The following ZNF362 variants were observed in gnomAD, a reference collection of about 807,000 sequenced individuals.
ZNF362 encodes the protein zinc finger protein 362.
Under a neutral mutation model 42.9 loss-of-function variants are expected in ZNF362, and 11 were observed. That is an observed-to-expected ratio of 0.26 (90% CI 0.16 to 0.42). ZNF362 has a LOEUF of 0.42. ZNF362 is among the 20% of genes least tolerant of loss of function. ZNF362 has a pLI of 1.00. For missense variants in ZNF362, 362 were observed against 576.2 expected (o/e 0.63, Z 3.81); for synonymous variants, 255 against 257.3 (o/e 0.99, Z 0.09).
At chr1:33,184,605 A>G in the ZNF362 span, among the ~76,000 whole-genome samples, 1 of 152,180 alleles carries the variant, frequency 6.6e-6, no homozygotes, top group Non-Finnish European at 1.5e-5. Flanking sequence ...TAATGCTTCA[A>G]AAGGGCTGAT....
the ZNF362 span, among the ~76,000 whole-genome samples, chr1:33,204,084 T>C: frequency 6.6e-6 from 1 of 152,186 alleles, no homozygotes; most frequent in Non-Finnish European, 1.5e-5. Flanking sequence ...TGTGTTTTCT[T>C]TTAGAAATTT....
chr1:33,174,940 T>C, the ZNF362 span, among the ~76,000 whole-genome samples: 1 of 19,832 alleles, frequency 5.0e-5, no homozygotes, highest in East Asian at 1.2e-3. Flanking sequence ...CATACATATA[T>C]GTGTGTATAT....
the ZNF362 span, among the ~76,000 whole-genome samples, chr1:33,220,299 G>A: frequency 6.6e-6 from 1 of 152,284 alleles, no homozygotes; most frequent in Admixed American, 6.5e-5. Context: ...AATAATGATA[G>A]CAATAACAGC....
the ZNF362 span, among the ~76,000 whole-genome samples, chr1:33,130,338 G>A: frequency 6.6e-6 from 1 of 152,142 alleles, no homozygotes; most frequent in Non-Finnish European, 1.5e-5. Context: ...TAGAAGTGAC[G>A]GGTTGTCATT....
At chr1:33,161,510 C>A in the ZNF362 span, among the ~76,000 whole-genome samples, 7 of 152,184 alleles carry the variant, frequency 4.6e-5, no homozygotes, top group African/African-American at 1.4e-4. This position sits in a 1 kb window ranked among gnomAD's most constrained non-coding sequence, Gnocchi z 4.3. Context: ...CCCCGACGCG[C>A]GGCTGCTGGC....
chr1:33,216,828 A>G, the ZNF362 span, among the ~76,000 whole-genome samples: 1 of 151,938 alleles, frequency 6.6e-6, no homozygotes, highest in Non-Finnish European at 1.5e-5. Context: ...CCCCCTGTGC[A>G]GGTGGCTGGA....
chr1:33,173,853 T>A, the ZNF362 span, among the ~76,000 whole-genome samples: 1 of 151,676 alleles, frequency 6.6e-6, no homozygotes, highest in Admixed American at 6.6e-5. Flanking sequence ...GCATGCATCA[T>A]GCCTGGATAA....
intron 8 of ZNF362, among the ~76,000 whole-genome samples, chr1:33,297,513 C>CTTTTTTTTTTTTT (rs55931056): frequency 3.3e-5 from 4 of 121,060 alleles, no homozygotes; most frequent in Non-Finnish European, 4.8e-5. Flanking sequence ...CATGATTCCT[C>CTTTTTTTTTTTTT]TTTTTTTTTT....
rs572775756 is a variant in ZNF362, at chr1:33,284,248, C to T, written c.908+2437C>T. Among the ~76,000 whole-genome samples, 23 of 152,310 alleles carry T rather than the reference C, an allele frequency of 1.5e-4. No homozygotes were observed. In the East Asian group the frequency reaches 2.5e-3, roughly 17 times the overall value. On this transcript the variant is annotated intron_variant, in intron 6 of 8. Coordinates refer to ENST00000539719, the MANE Select transcript of ZNF362 (RefSeq NM_152493.3). ...GGTCCAGTCCGGTTTCCTGGAGGCC[C>T]GGGGAGGCCTCATTCCCACTTTTGA...
chr1:33,219,977 TG>T, the ZNF362 span, among the ~76,000 whole-genome samples: 1 of 152,196 alleles, frequency 6.6e-6, no homozygotes, highest in African/African-American at 2.4e-5. Context: ...GAACAAGGCA[TG>T]GCCGAAGAGG....
At chr1:33,205,665 G>A in the ZNF362 span, among the ~76,000 whole-genome samples, 1 of 152,146 alleles carries the variant, frequency 6.6e-6, no homozygotes, top group Non-Finnish European at 1.5e-5. Flanking sequence ...TGTAATCCCA[G>A]CACTTTGGGA....
chr1:33,128,170 G>A, the ZNF362 span, among the ~76,000 whole-genome samples: 1 of 141,216 alleles, frequency 7.1e-6, no homozygotes, highest in African/African-American at 2.7e-5. Flanking sequence ...TTCAAGACCA[G>A]CCCGGGTAAA....
the ZNF362 span, chr1:33,176,569 C>A: frequency 1.7e-6 from 1 of 595,484 alleles, no homozygotes. Context: ...GAGCCGGATG[C>A]CACGTCTGCT....
At chr1:33,147,246 G>A in the ZNF362 span, 2 of 1,614,076 alleles carry the variant, frequency 1.2e-6, no homozygotes, top group Non-Finnish European at 1.7e-6. This position sits in a 1 kb window ranked among gnomAD's most constrained non-coding sequence, Gnocchi z 8.1. Flanking sequence ...GGCCAGGGCT[G>A]AAGTAAGAGC....
chr1:33,174,130 CCTT>C, the ZNF362 span, among the ~76,000 whole-genome samples: 1 of 149,582 alleles, frequency 6.7e-6, no homozygotes, highest in Non-Finnish European at 1.5e-5. Flanking sequence ...TCTTCTTCCC[CCTT>C]CTTCTCCCTT....
chr1:33,195,604 A>T, the ZNF362 span: 1 of 151,800 alleles, frequency 6.6e-6, no homozygotes, highest in South Asian at 2.1e-4. Flanking sequence ...GGCAATTGTA[A>T]CACAATGGTA....
upstream of ZNF362, among the ~76,000 whole-genome samples, chr1:33,252,594 C>T (rs193299021): frequency 3.1e-4 from 47 of 152,262 alleles, no homozygotes; most frequent in Admixed American, 1.5e-3. Flanking sequence ...TTTGTTACTG[C>T]GGCATAGTCT....
chr1:33,215,582 A>T, the ZNF362 span, among the ~76,000 whole-genome samples: 3 of 152,166 alleles, frequency 2.0e-5, no homozygotes, highest in Non-Finnish European at 4.4e-5. Flanking sequence ...CCCTGATGTG[A>T]TTATTACACA....
At chr1:33,170,272 CA>C in the ZNF362 span, among the ~76,000 whole-genome samples, 1 of 151,956 alleles carries the variant, frequency 6.6e-6, no homozygotes, top group African/African-American at 2.4e-5. Flanking sequence ...TGCAGTGAGC[CA>C]AGATCGTGCC....
Sources: allele counts gnomAD v4.1 joint callset (sites outside exome capture counted in the v4.1 genomes callset), GRCh38; gene constraint gnomAD v4.1.1; non-coding constraint Gnocchi (gnomAD v3.1); transcripts MANE v1.5; gene names NCBI Gene and HGNC (gene_info 2026-07-23, HGNC 2026-07-21).